Variants in RELN observed in about 807,000 individuals in gnomAD.
The protein encoded by RELN is reelin.
Under a neutral mutation model 427.6 loss-of-function variants are expected in RELN, and 108 were observed. The observed-to-expected ratio is 0.25, with a 90% confidence interval of 0.22 to 0.30. The LOEUF is 0.30. Ranked by LOEUF, RELN falls within the 10% of genes least tolerant of loss-of-function variation. The pLI, the probability that RELN is intolerant of heterozygous loss-of-function variation, is 1.00. For synonymous variants in RELN, 1,524 were observed against 1,513.4 expected (o/e 1.01, Z -0.16); for missense variants, 3,715 against 4,302.8 (o/e 0.86, Z 3.82).
intron 23 of RELN, 124 bp downstream of exon 23, chr7:103,604,222 G>A: frequency 9.0e-7 from 1 of 1,112,232 alleles, no homozygotes; most frequent in Non-Finnish European, 1.3e-6. Flanking sequence ...AGGAGGACTT[G>A]TTTCTTTTGG....
At chr7:103,937,179 C>T (rs572533028) in intron 1 of RELN, among the ~76,000 whole-genome samples, 73 of 152,200 alleles carry the variant, frequency 4.8e-4, no homozygotes, top group Non-Finnish European at 6.5e-4. Context: ...GAAGTGGGCA[C>T]GCAATAGATA....
chr7:103,711,468 G>C (rs1167075426), intron 8 of RELN, among the ~76,000 whole-genome samples: 1 of 152,122 alleles, frequency 6.6e-6, no homozygotes, highest in Non-Finnish European at 1.5e-5. Context: ...ACTTTGCTTA[G>C]CACGGCACAA....
intron 2 of RELN, among the ~76,000 whole-genome samples, chr7:103,908,795 AGACCAAAT>A (rs1310506177): frequency 6.6e-5 from 10 of 152,362 alleles, no homozygotes; most frequent in African/African-American, 2.4e-4. Flanking sequence ...GAATGAATAA[AGACCAAAT>A]GTAAGTTAAT....
rs1168827516 is a variant in RELN, at chr7:103,944,371, C to T, written c.227-27186G>A. On this transcript the variant is annotated intron_variant, in intron 1 of 64. Coordinates refer to ENST00000428762, the MANE Select transcript of RELN (RefSeq NM_005045.4). ...AAGAACACTCTGACACCGTGTTCTC[C>T]TTGGAAGACATACTGCCTTCGGTCC... Among the ~76,000 whole-genome samples the T allele has an allele frequency of 2.6e-5, 4 of 152,066 alleles. No homozygotes were observed. In the East Asian group the frequency reaches 5.8e-4, roughly 22 times the overall value.
chr7:103,652,812 T>C (rs1038649520), intron 13 of RELN, 53 bp from the exon 14 acceptor site: 5 of 1,536,320 alleles, frequency 3.3e-6, no homozygotes, highest in Non-Finnish European at 4.5e-6. Flanking sequence ...GGCTAGTCCA[T>C]GTAAATTCTC....
intron 38 of RELN, 141 bp downstream of exon 38, chr7:103,556,836 G>T: frequency 1.3e-6 from 1 of 781,326 alleles, no homozygotes; most frequent in Non-Finnish European, 2.3e-6. Context: ...TAATACATTT[G>T]TCAAAAGTGA....
chr7:103,726,451 G>C (rs1790214388), intron 7 of RELN, among the ~76,000 whole-genome samples: 2 of 151,828 alleles, frequency 1.3e-5, no homozygotes. Flanking sequence ...TTTCCTTTTT[G>C]GTTGAAAGGC....
intron 3 of RELN, among the ~76,000 whole-genome samples, chr7:103,832,895 C>A (rs1184861768): frequency 6.6e-6 from 1 of 152,018 alleles, no homozygotes; most frequent in Non-Finnish European, 1.5e-5. Context: ...GTAGATAAGG[C>A]CTTATAGCAT....
At chr7:103,605,509 T>C (rs1166087817) in intron 22 of RELN, among the ~76,000 whole-genome samples, 6 of 152,196 alleles carry the variant, frequency 3.9e-5, no homozygotes. Flanking sequence ...AAGGTGTCTG[T>C]CTATTCATTG....
At chr7:103,813,569 C>CAT (rs948199520) in intron 3 of RELN, among the ~76,000 whole-genome samples, 13 of 151,590 alleles carry the variant, frequency 8.6e-5, no homozygotes, top group Middle Eastern at 3.4e-3. Flanking sequence ...TTTGTACATA[C>CAT]ATATATATAT....
At chr7:103,483,416 G>C (rs1021105909) in intron 62 of RELN, among the ~76,000 whole-genome samples, 1 of 152,194 alleles carries the variant, frequency 6.6e-6, no homozygotes, top group Non-Finnish European at 1.5e-5. Flanking sequence ...CTTGCGTTTA[G>C]TTATTATTGT....
At chr7:103,725,884 G>T (rs1333693760) in intron 7 of RELN, among the ~76,000 whole-genome samples, 1 of 152,074 alleles carries the variant, frequency 6.6e-6, no homozygotes, top group Non-Finnish European at 1.5e-5. Flanking sequence ...AAATGAAATG[G>T]CTATTTAACT....
At chr7:103,762,476 C>G (rs1791326507) in intron 4 of RELN, among the ~76,000 whole-genome samples, 1 of 152,188 alleles carries the variant, frequency 6.6e-6, no homozygotes, top group Non-Finnish European at 1.5e-5. Flanking sequence ...AAAGTTTCTT[C>G]TCTTTATCTC....
intron 29 of RELN, among the ~76,000 whole-genome samples, chr7:103,574,685 T>C (rs1379178253): frequency 2.0e-5 from 3 of 152,178 alleles, no homozygotes; most frequent in Admixed American, 2.0e-4. Flanking sequence ...AAAAAAATCC[T>C]TGAAACTGTG....
At chr7:103,594,571 TAAC>T (rs906877913) in intron 25 of RELN, 79 bp from the exon 26 acceptor site, 8 of 1,439,506 alleles carry the variant, frequency 5.6e-6, no homozygotes, top group Middle Eastern at 2.0e-4. Context: ...ACAACAAGGG[TAAC>T]AACAAGAGAA....
In RELN at chr7:103,566,526, A is replaced by G. The variant is rs866857419; in HGVS notation, c.4747+75T>C. 5 of 1,597,972 alleles carry G rather than the reference A, an allele frequency of 3.1e-6. No homozygotes were observed. The Middle Eastern group carries it at 5.3e-4, about 168-fold the overall frequency. On this transcript the variant is annotated intron_variant, in intron 32 of 64. Coordinates refer to ENST00000428762, the MANE Select transcript of RELN (RefSeq NM_005045.4). ...CTAGAAATTGACAGCAAATTAAGAA[A>G]CACACAGTGCAAGGTGGGTATGGAT...
intron 1 of RELN, among the ~76,000 whole-genome samples, chr7:103,950,593 T>C (rs1796312240): frequency 6.6e-6 from 1 of 152,188 alleles, no homozygotes; most frequent in South Asian, 2.1e-4. Flanking sequence ...ACTTCAAGCA[T>C]CAAATATTAC....
At chr7:103,926,236 G>T (rs1169457413) in intron 1 of RELN, among the ~76,000 whole-genome samples, 1 of 151,184 alleles carries the variant, frequency 6.6e-6, no homozygotes, top group African/African-American at 2.4e-5. Flanking sequence ...AAGTAGCTGG[G>T]ACTACGGGTA....
At chr7:103,759,990 C>CTTTTT (rs57019839) in intron 4 of RELN, among the ~76,000 whole-genome samples, 12 of 64,936 alleles carry the variant, frequency 1.8e-4, no homozygotes, top group Middle Eastern at 8.9e-3. Flanking sequence ...CACAGTCATA[C>CTTTTT]TTTTTTTTTT....
Sources: gnomAD v4.1 joint callset for allele counts (sites outside exome capture counted in the v4.1 genomes callset) on GRCh38, gnomAD v4.1.1 for gene constraint, MANE v1.5 for transcripts, NCBI Gene and HGNC (gene_info 2026-07-23, HGNC 2026-07-21) for gene names.